SV2C: variants seen among roughly 807,000 people sequenced by gnomAD.
SV2C encodes the protein synaptic vesicle glycoprotein 2C, also known as solute carrier family 22 member B3.
SV2C carries 49 observed loss-of-function variants against 79.7 expected under a neutral mutation model. The ratio of observed to expected loss-of-function variants is 0.61; its 90% CI spans 0.49 to 0.78. The LOEUF is 0.78. SV2C is among the 30% of genes least tolerant of loss of function. SV2C has a pLI of 0.00. For missense variants in SV2C, 833 were observed against 912.9 expected (o/e 0.91, Z 1.13); for synonymous variants, 334 against 333.2 (o/e 1.00, Z -0.03).
the SV2C span, among the ~76,000 whole-genome samples, chr5:75,912,403 G>A: frequency 6.6e-6 from 1 of 152,164 alleles, no homozygotes; most frequent in Non-Finnish European, 1.5e-5. Context: ...TGAGACGGGA[G>A]GATGACTTGA....
chr5:75,908,937 C>A, the SV2C span, among the ~76,000 whole-genome samples: 8 of 152,198 alleles, frequency 5.3e-5, no homozygotes. Context: ...CAATGTCATT[C>A]AGTGTTAATG....
In SV2C at chr5:76,101,959, T is replaced by C. The variant is rs193247156; in HGVS notation, c.-102+18447T>C. The stretch of plus-strand genomic sequence containing the variant: ...TGCTGCTGTGCTGCTGGGCACTTGA[T>C]ATTTAGTTTTTATCACACCCTCAGT... On this transcript the variant is annotated intron_variant, in intron 1 of 12. Transcript: ENST00000502798. Among the ~76,000 whole-genome samples the C allele has an allele frequency of 1.8e-3, 270 of 152,264 alleles. 1 individual carries two copies. Among genetic ancestry groups the C allele is most frequent in the African/African-American group, 6.2e-3 (258 of 41,554 alleles).
At chr5:76,045,081 A>C in the SV2C span, among the ~76,000 whole-genome samples, 1 of 152,052 alleles carries the variant, frequency 6.6e-6, no homozygotes, top group East Asian at 1.9e-4. Context: ...CCTTGAGTTA[A>C]TTTTTGTATA....
chr5:76,109,201 T>C (rs1175441547), intron 1 of SV2C, among the ~76,000 whole-genome samples: 1 of 152,208 alleles, frequency 6.6e-6, no homozygotes, highest in African/African-American at 2.4e-5. Context: ...AGGAAAGTGA[T>C]AGGATTGTTC....
In SV2C at chr5:76,174,437, C is replaced by T. The variant is rs113844998; in HGVS notation, c.581-20482C>T. On this transcript the variant is annotated intron_variant, in intron 2 of 12. Transcript: ENST00000502798. Reference sequence around the variant, plus strand: ...TAATAATGAAAGAGCAAAATAATCTCATAATGTACTTGTTCCCATCAGGCC... The same window carrying T: ...TAATAATGAAAGAGCAAAATAATCTTATAATGTACTTGTTCCCATCAGGCC... Among the ~76,000 whole-genome samples, 172 of 152,316 alleles carry T rather than the reference C, an allele frequency of 1.1e-3. 2 individuals are homozygous for T. The highest frequency in any genetic ancestry group is 2.0e-3 in the Admixed American group (31 of 15,304).
the SV2C span, among the ~76,000 whole-genome samples, chr5:75,996,788 C>G: frequency 2.0e-5 from 3 of 150,978 alleles, no homozygotes; most frequent in Admixed American, 1.3e-4. Context: ...CTCTGTTTGT[C>G]TGTTATTGGT....
At chr5:75,995,991 T>C in the SV2C span, among the ~76,000 whole-genome samples, 23 of 152,164 alleles carry the variant, frequency 1.5e-4, no homozygotes, top group Non-Finnish European at 3.2e-4. Context: ...ACTCATGTGC[T>C]ATATGAGAGT....
chr5:76,214,590 A>G (rs1307266707), intron 4 of SV2C, among the ~76,000 whole-genome samples: 1 of 152,202 alleles, frequency 6.6e-6, no homozygotes, highest in Non-Finnish European at 1.5e-5. Context: ...GATAGGGATT[A>G]CATTGACTCT....
At chr5:75,956,043 T>G in the SV2C span, among the ~76,000 whole-genome samples, 1 of 144,232 alleles carries the variant, frequency 6.9e-6, no homozygotes, top group Non-Finnish European at 1.5e-5. Flanking sequence ...ATCCCATTAC[T>G]GGGTATATAC....
chr5:75,975,806 A>G, the SV2C span, among the ~76,000 whole-genome samples: 1 of 152,220 alleles, frequency 6.6e-6, no homozygotes, highest in African/African-American at 2.4e-5. Context: ...ACACAGTGAC[A>G]TAAACTTAGA....
the SV2C span, among the ~76,000 whole-genome samples, chr5:76,051,326 A>G: frequency 1.3e-5 from 2 of 152,218 alleles, no homozygotes; most frequent in South Asian, 4.1e-4. Context: ...GTAACTGTGT[A>G]GATGAGAGAC....
chr5:76,017,852 A>G, the SV2C span, among the ~76,000 whole-genome samples: 3 of 152,312 alleles, frequency 2.0e-5, no homozygotes, highest in East Asian at 5.8e-4. Flanking sequence ...AAGTGGCGGT[A>G]GGAAGAAAAA....
At chr5:75,946,420 A>G in the SV2C span, among the ~76,000 whole-genome samples, 12 of 152,248 alleles carry the variant, frequency 7.9e-5, no homozygotes, top group African/African-American at 2.4e-4. Flanking sequence ...AGTCAGTTCC[A>G]TGGGTTTACA....
At chr5:75,894,028 C>T in the SV2C span, among the ~76,000 whole-genome samples, 1 of 151,928 alleles carries the variant, frequency 6.6e-6, no homozygotes. Context: ...TAAAATATCT[C>T]AATTTTAGTG....
At chr5:76,149,937 C>T (rs1356995358) in intron 2 of SV2C, among the ~76,000 whole-genome samples, 1 of 152,174 alleles carries the variant, frequency 6.6e-6, no homozygotes, top group Non-Finnish European at 1.5e-5. Flanking sequence ...TTTCTTCCCT[C>T]CTAGCTGCAT....
At chr5:75,918,148 A>G in the SV2C span, among the ~76,000 whole-genome samples, 1 of 152,222 alleles carries the variant, frequency 6.6e-6, no homozygotes, top group Admixed American at 6.5e-5. Flanking sequence ...AAGTGAACAA[A>G]TAATATGTTA....
upstream of SV2C, among the ~76,000 whole-genome samples, chr5:76,082,581 TTC>T (rs1347140599): frequency 6.6e-6 from 1 of 151,266 alleles, no homozygotes; most frequent in Admixed American, 6.6e-5. Flanking sequence ...CTCTTTTTCT[TTC>T]TTTCTTTCTT....
At chr5:76,351,030 C>A (rs1225878556) in intron 12 of SV2C, among the ~76,000 whole-genome samples, 2 of 147,628 alleles carry the variant, frequency 1.4e-5, no homozygotes, top group African/African-American at 2.5e-5. Context: ...AAAAAAAATT[C>A]TCTAAGATGG....
At chr5:76,087,506 C>T (rs1747237842) in intron 1 of SV2C, among the ~76,000 whole-genome samples, 1 of 152,096 alleles carries the variant, frequency 6.6e-6, no homozygotes, top group Non-Finnish European at 1.5e-5. Context: ...CTAGAGTAGC[C>T]AAATAGACCA....
Sources: allele counts gnomAD v4.1 joint callset (sites outside exome capture counted in the v4.1 genomes callset), GRCh38; gene constraint gnomAD v4.1.1; transcripts MANE v1.5; gene names NCBI Gene and HGNC (gene_info 2026-07-23, HGNC 2026-07-21).